Variants in PRMT8 observed in about 807,000 individuals in gnomAD.
PRMT8 encodes protein arginine N-methyltransferase 8.
PRMT8 carries 7 observed loss-of-function variants against 47.1 expected under a neutral mutation model. The observed-to-expected ratio is 0.15, with a 90% confidence interval of 0.08 to 0.28. PRMT8 has a LOEUF of 0.28. PRMT8 is among the 10% of genes least tolerant of loss of function. The probability of loss-of-function intolerance (pLI) is 1.00; values close to 1 mark genes in which losing one functional copy is unlikely to be tolerated. For missense variants in PRMT8, 237 were observed against 505.4 expected (o/e 0.47, Z 5.09); for synonymous variants, 188 against 186.5 (o/e 1.01, Z -0.07).
At chr12:3,411,725 C>G (rs1363903466) in intron 1 of PRMT8, among the ~76,000 whole-genome samples, 1 of 152,158 alleles carries the variant, frequency 6.6e-6, no homozygotes, top group Non-Finnish European at 1.5e-5. Context: ...CATGATGAAA[C>G]TGGTGGCTTA....
intron 1 of PRMT8, among the ~76,000 whole-genome samples, chr12:3,496,228 T>A (rs1161893744): frequency 0.019 from 1,396 of 74,422 alleles, 127 homozygotes; most frequent in African/African-American, 0.066. Flanking sequence ...TTTTTTTTTT[T>A]TTTTTTTTTT....
chr12:3,449,175 G>A (rs1864891800), intron 1 of PRMT8, among the ~76,000 whole-genome samples: 1 of 152,142 alleles, frequency 6.6e-6, no homozygotes, highest in Admixed American at 6.5e-5. Context: ...CTTTGCTATT[G>A]TGAATGGTGC....
chr12:3,412,064 G>A (rs571578034), intron 1 of PRMT8, among the ~76,000 whole-genome samples: 1 of 152,278 alleles, frequency 6.6e-6, no homozygotes, highest in South Asian at 2.1e-4. Flanking sequence ...TGATTTTATT[G>A]TTGTACTAAC....
At chr12:3,528,418 G>A (rs1648578057) in intron 1 of PRMT8, among the ~76,000 whole-genome samples, 1 of 151,868 alleles carries the variant, frequency 6.6e-6, no homozygotes, top group African/African-American at 2.4e-5. Flanking sequence ...ATTTTCTTCT[G>A]TAATGTCTAA....
chr12:3,396,289 T>C (rs1189358184), intron 1 of PRMT8, among the ~76,000 whole-genome samples: 2 of 152,236 alleles, frequency 1.3e-5, no homozygotes, highest in East Asian at 1.9e-4. Context: ...GGTTAGTTGA[T>C]GCAGTTTCTT....
chr12:3,541,864 G>T (rs997317860), intron 2 of PRMT8, among the ~76,000 whole-genome samples: 17 of 152,262 alleles, frequency 1.1e-4, no homozygotes, highest in South Asian at 2.1e-4. Context: ...GTTATTGCTT[G>T]TCCCCATTCT....
Position 3,583,218 on chromosome 12 carries a change from T to C in PRMT8, c.979+10T>C, listed in dbSNP as rs1186381305. On this transcript the variant is annotated intron_variant, in intron 8 of 9. Transcript: ENST00000382622. The surrounding 1 kb of genome is among the most constrained non-coding windows in gnomAD (Gnocchi z 4.7). ...ATGGGGTTTTCCACAGGTGAGCTGT[T>C]TGTTGCTTCCCAGAGCCTCCTCCCT... 1.2e-6 allele frequency: 2 copies of C among 1,606,008 alleles called. No individual in the cohort carries two copies. Among genetic ancestry groups the C allele is most frequent in the Non-Finnish European group, 1.7e-6 (2 of 1,175,940 alleles).
chr12:3,428,770 TTCTC>T (rs970933891), intron 1 of PRMT8, among the ~76,000 whole-genome samples: 4 of 148,546 alleles, frequency 2.7e-5, no homozygotes, highest in South Asian at 2.1e-4. Context: ...GCCTCTCTCT[TTCTC>T]TCTCTCTCTC....
chr12:3,553,609 T>G (rs767730579), intron 3 of PRMT8, 42 bp from the exon 4 acceptor site: 1 of 1,475,874 alleles, frequency 6.8e-7, no homozygotes, highest in South Asian at 1.1e-5. Context: ...CTTGCTGTGA[T>G]TTTTTTTGAC....
intron 1 of PRMT8, among the ~76,000 whole-genome samples, chr12:3,428,028 T>G (rs2137065878): frequency 6.6e-6 from 1 of 152,366 alleles, no homozygotes; most frequent in South Asian, 2.1e-4. Context: ...AATAAGATCT[T>G]GTTTAGTCCA....
At chr12:3,541,422 T>C (rs1423540703) in intron 2 of PRMT8, among the ~76,000 whole-genome samples, 3 of 152,194 alleles carry the variant, frequency 2.0e-5, no homozygotes, top group African/African-American at 7.2e-5. Context: ...CCCTACTGTA[T>C]ATCTTTCATT....
Position 3,436,777 on chromosome 12 carries a change from C to G in PRMT8, c.48+55335C>G, listed in dbSNP as rs1055095378. Among the ~76,000 whole-genome samples, 10 of 152,154 alleles carry G rather than the reference C, an allele frequency of 6.6e-5. No homozygotes were observed. The highest frequency in any genetic ancestry group is 6.6e-4 in the Admixed American group (10 of 15,266). ...CAGCATCTCCCCGACAGCATGGAGG[C>G]CTGGGTGATGGGAGAAGCGGATCCA... is the stretch of plus-strand genomic sequence containing the variant. On this transcript the variant is annotated intron_variant, in intron 1 of 9. Coordinates refer to the PRMT8 transcript ENST00000452611. The surrounding 1 kb of genome is among the most constrained non-coding windows in gnomAD (Gnocchi z 4.2).
rs533313701 is a variant in PRMT8, at chr12:3,411,739, AGAG to A, written c.48+30301_48+30303del. Among the ~76,000 whole-genome samples the A allele has an allele frequency of 1.2e-4, 18 of 152,340 alleles. No individual in the cohort carries two copies. The South Asian group carries it at 3.1e-3, about 26-fold the overall frequency. ...CCATGATGAAACTGGTGGCTTAATA[AGAG>A]GAGAAAGAGAGATCTGAGCTGGCAC... On this transcript the variant is annotated intron_variant, in intron 1 of 9. Coordinates refer to the PRMT8 transcript ENST00000452611.
intron 1 of PRMT8, among the ~76,000 whole-genome samples, chr12:3,494,306 C>T (rs1865471183): frequency 6.6e-6 from 1 of 152,158 alleles, no homozygotes; most frequent in Non-Finnish European, 1.5e-5. Context: ...CCACCTTTTC[C>T]TGCTTTTTGT....
At chr12:3,471,803 A>C (rs1299465268) in intron 1 of PRMT8, among the ~76,000 whole-genome samples, 1 of 151,528 alleles carries the variant, frequency 6.6e-6, no homozygotes, top group Admixed American at 6.6e-5. Context: ...ACTGGGCTGG[A>C]GGCAGGCGCC....
At chr12:3,433,088 C>A (rs1340923380) in intron 1 of PRMT8, among the ~76,000 whole-genome samples, 2 of 152,340 alleles carry the variant, frequency 1.3e-5, no homozygotes, top group East Asian at 3.9e-4. Context: ...AGAGATCCCA[C>A]TCCCCACATC....
At position 3,456,114 on chromosome 12, in the gene PRMT8, C is replaced by T. The variant is rs1428958805; in HGVS notation, c.48+74672C>T. Among the ~76,000 whole-genome samples the T allele has an allele frequency of 2.0e-5, 3 of 152,228 alleles. No homozygotes were observed. The highest frequency in any genetic ancestry group is 3.9e-4 in the East Asian group (2 of 5,188). ...AAATACAAACTATTTAGCCCAACTC[C>T]TGGCCATGAGCTAGGTGCTAAGAGT... On this transcript the variant is annotated intron_variant, in intron 1 of 9. Transcript: ENST00000452611. This position sits in a 1 kb window ranked among gnomAD's most constrained non-coding sequence, Gnocchi z 4.2.
At chr12:3,495,133 A>G (rs1865486717) in intron 1 of PRMT8, among the ~76,000 whole-genome samples, 1 of 152,164 alleles carries the variant, frequency 6.6e-6, no homozygotes, top group African/African-American at 2.4e-5. Flanking sequence ...GTCAGTGCCC[A>G]AGACACATCA....
At chr12:3,466,022 G>T (rs915711009) in intron 1 of PRMT8, among the ~76,000 whole-genome samples, 13 of 152,300 alleles carry the variant, frequency 8.5e-5, no homozygotes, top group African/African-American at 3.1e-4. Flanking sequence ...AGGAGGAAGG[G>T]CACTGACGCA....
Sources: gnomAD v4.1 joint callset for allele counts (sites outside exome capture counted in the v4.1 genomes callset) on GRCh38, gnomAD v4.1.1 for gene constraint, Gnocchi (gnomAD v3.1) non-coding constraint, MANE v1.5 for transcripts, NCBI Gene and HGNC (gene_info 2026-07-23, HGNC 2026-07-21) for gene names.